COBLL1: variants seen among roughly 807,000 people sequenced by gnomAD.
COBLL1 encodes cordon-bleu WH2 repeat protein like 1, also known as cordon-bleu protein-like 1.
In COBLL1, 50 loss-of-function variants were observed where a neutral mutation model predicts 94.8. The observed-to-expected ratio is 0.53, with a 90% CI of 0.42 to 0.67. COBLL1 has a LOEUF of 0.67. COBLL1 is among the 30% of genes least tolerant of loss of function. The pLI is 0.00. For synonymous variants in COBLL1, 448 were observed against 473.8 expected (o/e 0.95, Z 0.71); for missense variants, 1,362 against 1,348.7 (o/e 1.01, Z -0.15).
intron 2 of COBLL1, among the ~76,000 whole-genome samples, chr2:164,779,444 C>T (rs1455373313): frequency 1.3e-5 from 2 of 152,024 alleles, no homozygotes; most frequent in Non-Finnish European, 2.9e-5. Context: ...GCCTTAAGAA[C>T]GATATTAAAG....
chr2:164,798,434 C>T (rs1224630028), intron 2 of COBLL1, among the ~76,000 whole-genome samples: 4 of 152,148 alleles, frequency 2.6e-5, no homozygotes, highest in Admixed American at 2.0e-4. Flanking sequence ...GAAAAATTGT[C>T]ACAAAGAGAT....
chr2:164,731,927 G>A (rs1349807288), intron 3 of COBLL1, among the ~76,000 whole-genome samples: 2 of 152,164 alleles, frequency 1.3e-5, no homozygotes, highest in Admixed American at 6.5e-5. Context: ...TCCTGCAGAG[G>A]TGGGGAAGGA....
intron 2 of COBLL1, among the ~76,000 whole-genome samples, chr2:164,795,148 TA>T (rs1454898269): frequency 3.3e-5 from 5 of 152,202 alleles, no homozygotes; most frequent in African/African-American, 1.2e-4. Context: ...AATGTCTCTT[TA>T]AAGGTACTCC....
intron 2 of COBLL1, among the ~76,000 whole-genome samples, chr2:164,774,229 A>G (rs540326769): frequency 6.6e-6 from 1 of 152,308 alleles, no homozygotes; most frequent in African/African-American, 2.4e-5. Flanking sequence ...TTTTGTAAAA[A>G]GAAAAAAAGA....
chr2:164,818,769 C>CATATATATATATATATATAT lies in COBLL1; in HGVS notation c.41+22386_41+22387insATATATATATATATATATAT, dbSNP rs752386836. On this transcript the variant is annotated intron_variant, in intron 2 of 13. Transcript: ENST00000652658. ...TAGTATATATATGTACTTATGTAAA[C>CATATATATATATATATATAT]ATATATATATATACATATAATTTTT... Among the ~76,000 whole-genome samples, 220 of 139,426 alleles carry CATATATATATATATATATAT rather than the reference C, an allele frequency of 1.6e-3. 1 individual carries two copies. Among genetic ancestry groups the CATATATATATATATATATAT allele is most frequent in the African/African-American group, 4.8e-3 (180 of 37,316 alleles). The allele number at this position is 139,426 out of a possible 152,430, so 91.5% of individuals were successfully genotyped here.
rs1684505493 is a variant in COBLL1, at chr2:164,704,963, C to A, written c.1139G>T (p.Ser380Ile). 6.3e-7 allele frequency: 1 copy of A among 1,582,478 alleles called. No homozygotes were observed. The highest frequency in any genetic ancestry group is 8.6e-7 in the Non-Finnish European group (1 of 1,168,042). Residue 380 changes from serine (S) to isoleucine (I), a missense_variant, in exon 8 of 14, where the codon AGT becomes ATT. Ser to Ile is a moderately radical substitution (Grantham distance 142, BLOSUM62 -2). Transcript: ENST00000652658. ...KIPPHQSDEN[S>I]RVTALQPVDG... is the part of the protein sequence containing the mutation. The stretch of plus-strand genomic sequence containing the variant: ...AACAACCACATTACCAGTCACACGA[C>A]TATTTTCATCACTTTGATGCGGGGG...
Position 164,728,137 on chromosome 2 carries a change from G to A in COBLL1, c.493C>T (p.Pro165Ser). 2 of 1,613,698 alleles carry A rather than the reference G, an allele frequency of 1.2e-6. No individual in the cohort carries two copies. The highest frequency in any genetic ancestry group is 1.7e-6 in the Non-Finnish European group (2 of 1,179,670). The stretch of plus-strand genomic sequence containing the variant: ...GCAAGCTCTTGAAGCGATGCATGTG[G>A]ACTCACTCTCACTATGGTCTTCTGT... ...KTQKTIVRVS[P>S]HASLQELAPI... Residue 165 changes from proline (P) to serine (S), a missense_variant, in exon 5 of 14, where the codon CCA becomes TCA. Physicochemically the swap from Pro to Ser is moderately conservative, Grantham distance 74. Transcript: ENST00000652658.
intron 7 of COBLL1, among the ~76,000 whole-genome samples, chr2:164,710,348 T>C (rs145205584): frequency 2.4e-3 from 362 of 152,232 alleles, no homozygotes; most frequent in African/African-American, 8.3e-3. Flanking sequence ...GGAAAGCACA[T>C]GTATACACTG....
intron 2 of COBLL1, among the ~76,000 whole-genome samples, chr2:164,819,247 C>T (rs184020619): frequency 2.0e-5 from 3 of 152,140 alleles, no homozygotes; most frequent in African/African-American, 7.2e-5. Context: ...AATGATAAAA[C>T]TAGCGAAATA....
At chr2:164,743,241 G>C (rs768342667) in intron 3 of COBLL1, 1 of 154,098 alleles carries the variant, frequency 6.5e-6, no homozygotes, top group African/African-American at 2.4e-5. Flanking sequence ...CATTTTAAGA[G>C]TAATAAAACT....
intron 4 of COBLL1, among the ~76,000 whole-genome samples, chr2:164,728,684 T>A (rs1245116277): frequency 6.6e-6 from 1 of 152,056 alleles, no homozygotes; most frequent in South Asian, 2.1e-4. Context: ...ATAATCCATA[T>A]GAAAAGCTTA....
At chr2:164,734,740 G>T (rs1371870478) in intron 3 of COBLL1, among the ~76,000 whole-genome samples, 3 of 152,126 alleles carry the variant, frequency 2.0e-5, no homozygotes, top group Non-Finnish European at 2.9e-5. Context: ...GGATTGGAGG[G>T]ACAAAGTGGC....
chr2:164,700,781 C>G (rs2105444981), intron 9 of COBLL1, 25 bp from the exon 10 acceptor site: 1 of 1,392,836 alleles, frequency 7.2e-7, no homozygotes, highest in South Asian at 1.2e-5. Flanking sequence ...AGATATAATC[C>G]TAAATATTAA....
intron 2 of COBLL1, among the ~76,000 whole-genome samples, chr2:164,795,523 C>T (rs1002538670): frequency 4.2e-4 from 64 of 152,092 alleles, no homozygotes; most frequent in African/African-American, 1.5e-3. Flanking sequence ...CTAGATTGAC[C>T]AATGACCCGC....
At chr2:164,841,977 G>A, upstream of COBLL1, 1 of 1,539,636 alleles carries the variant, frequency 6.5e-7, no homozygotes, top group Non-Finnish European at 8.7e-7. The surrounding 1 kb of genome is among the most constrained non-coding windows in gnomAD (Gnocchi z 5.5). Flanking sequence ...TTCCCTGCCC[G>A]GAGTCCGGGA....
chr2:164,801,084 G>A (rs985638570), intron 2 of COBLL1, among the ~76,000 whole-genome samples: 1 of 152,244 alleles, frequency 6.6e-6, no homozygotes, highest in African/African-American at 2.4e-5. Flanking sequence ...GATTGCTTGA[G>A]GCCAGGAGTT....
At chr2:164,779,702 T>C in intron 2 of COBLL1, 1 of 470,954 alleles carries the variant, frequency 2.1e-6, no homozygotes, top group Non-Finnish European at 4.4e-6. Flanking sequence ...AAAAGTCCCC[T>C]TTTAGCTCCT....
chr2:164,830,377 T>C (rs1266865413), intron 2 of COBLL1, among the ~76,000 whole-genome samples: 1 of 152,200 alleles, frequency 6.6e-6, no homozygotes, highest in Non-Finnish European at 1.5e-5. Flanking sequence ...TGATCAAAAA[T>C]TGTAGTACAT....
chr2:164,714,090 G>A (rs1350716861), intron 7 of COBLL1, among the ~76,000 whole-genome samples: 1 of 151,794 alleles, frequency 6.6e-6, no homozygotes, highest in Non-Finnish European at 1.5e-5. Flanking sequence ...GAATTCAGGA[G>A]TCTCTCTCTC....
Sources: gnomAD v4.1 joint callset for allele counts (sites outside exome capture counted in the v4.1 genomes callset) on GRCh38, gnomAD v4.1.1 for gene constraint, Gnocchi (gnomAD v3.1) non-coding constraint, MANE v1.5 for transcripts, NCBI Gene and HGNC (gene_info 2026-07-23, HGNC 2026-07-21) for gene names.